TAFA2: variants seen among roughly 807,000 people sequenced by gnomAD.
TAFA2 encodes the protein TAFA chemokine like family member 2.
In TAFA2, 7 loss-of-function variants were observed where a neutral mutation model predicts 18.8. The ratio of observed to expected loss-of-function variants is 0.37; its 90% CI spans 0.21 to 0.70. The LOEUF is 0.70. Among genes scored for constraint, TAFA2 ranks in the 30% least tolerant of loss-of-function variants. The pLI is 0.53. For missense variants in TAFA2, 122 were observed against 158.1 expected, an observed-to-expected ratio of 0.77 and a Z score of 1.23; for synonymous variants, 60 against 54.2, an observed-to-expected ratio of 1.11 and a Z score of -0.47.
chr12:62,132,212 T>C (rs1018569009), intron 1 of TAFA2, among the ~76,000 whole-genome samples: 5 of 151,874 alleles, frequency 3.3e-5, no homozygotes, highest in African/African-American at 1.2e-4. Flanking sequence ...AAAGTTACCT[T>C]AATCTGGATT....
At chr12:61,872,862 TTCTCTC>T (rs36106779) in intron 1 of TAFA2, among the ~76,000 whole-genome samples, 22 of 150,364 alleles carry the variant, frequency 1.5e-4, no homozygotes, top group Non-Finnish European at 2.8e-4. Flanking sequence ...ACCCTGCAGT[TTCTCTC>T]TCTCTCTCTC....
At chr12:61,837,323 T>C (rs1242849513) in intron 2 of TAFA2, among the ~76,000 whole-genome samples, 1 of 152,008 alleles carries the variant, frequency 6.6e-6, no homozygotes, top group Non-Finnish European at 1.5e-5. Flanking sequence ...TATTTCCATA[T>C]GCGATTCCTT....
chr12:61,843,345 G>GA (rs1309852595), intron 2 of TAFA2, among the ~76,000 whole-genome samples: 10 of 151,276 alleles, frequency 6.6e-5, no homozygotes, highest in South Asian at 4.2e-4. Context: ...CCAGATATTG[G>GA]AAAAAAAACT....
chr12:61,961,771 G>A (rs1459354213), intron 1 of TAFA2, among the ~76,000 whole-genome samples: 1 of 152,064 alleles, frequency 6.6e-6, no homozygotes, highest in South Asian at 2.1e-4. Flanking sequence ...TTGTTTGTTT[G>A]TCCGGAGGGT....
chr12:62,198,536 T>A (rs1489027017), intron 1 of TAFA2: 1 of 152,056 alleles, frequency 6.6e-6, no homozygotes, highest in Non-Finnish European at 1.5e-5. Flanking sequence ...AACTTACGAG[T>A]CCCAGTTCAT....
intron 2 of TAFA2, among the ~76,000 whole-genome samples, chr12:61,772,475 T>G (rs1236479033): frequency 6.6e-6 from 1 of 150,444 alleles, no homozygotes; most frequent in Middle Eastern, 3.2e-3. Flanking sequence ...TGCAAAAATC[T>G]AACTGAATCC....
Position 61,753,713 on chromosome 12 carries a change from A to T in TAFA2, c.293T>A (p.Met98Lys). The part of the protein sequence containing the change: ...SIVEQKWWCH[M>K]QPCLEGEECK... ...TTCTTCTCCCTCTAGACATGGCTGC[A>T]TATGGCACCACCATTTCTGTTCCAC... Residue 98 changes from methionine to lysine, a missense_variant, in exon 4 of 5, where the codon ATG (methionine) becomes AAG (lysine). Met to Lys is a moderately conservative substitution (Grantham distance 95, BLOSUM62 -1). Transcript: ENST00000416284. 6.2e-7 allele frequency: 1 copy of T among 1,612,506 alleles called. No individual in the cohort carries two copies. Among genetic ancestry groups the T allele is most frequent in the Non-Finnish European group, 8.5e-7 (1 of 1,178,996 alleles).
chr12:62,233,301 T>C (rs992447772), intron 1 of TAFA2, among the ~76,000 whole-genome samples: 1 of 151,634 alleles, frequency 6.6e-6, no homozygotes, highest in Non-Finnish European at 1.5e-5. Flanking sequence ...GGCTGGACTC[T>C]AACTTCTAAC....
At chr12:61,994,387 C>T (rs745587767) in intron 1 of TAFA2, among the ~76,000 whole-genome samples, 27 of 152,102 alleles carry the variant, frequency 1.8e-4, no homozygotes, top group Non-Finnish European at 3.2e-4. Context: ...CCTCCTGTTG[C>T]CTTTTCAAGA....
At chr12:62,177,632 T>C (rs1172991804) in intron 1 of TAFA2, among the ~76,000 whole-genome samples, 1 of 152,176 alleles carries the variant, frequency 6.6e-6, no homozygotes. Context: ...CTCTTGGGTA[T>C]CGCAAAGGTA....
chr12:61,780,001 G>A (rs1870436254), intron 2 of TAFA2, among the ~76,000 whole-genome samples: 1 of 151,734 alleles, frequency 6.6e-6, no homozygotes, highest in African/African-American at 2.4e-5. Context: ...GTCATATTGG[G>A]CTTAGAGATG....
At chr12:61,920,296 A>T (rs886881824) in intron 1 of TAFA2, among the ~76,000 whole-genome samples, 1 of 152,188 alleles carries the variant, frequency 6.6e-6, no homozygotes, top group Non-Finnish European at 1.5e-5. Context: ...ATAGATGCAG[A>T]AAGAAGCCAT....
chr12:62,155,373 C>G (rs750777231), intron 1 of TAFA2, among the ~76,000 whole-genome samples: 1 of 152,064 alleles, frequency 6.6e-6, no homozygotes. Context: ...GCCATACTAA[C>G]AAAAGCAATC....
chr12:61,731,184 C>A (rs569682117), intron 4 of TAFA2, among the ~76,000 whole-genome samples: 2 of 152,096 alleles, frequency 1.3e-5, no homozygotes, highest in Non-Finnish European at 2.9e-5. Context: ...AGGTTAAATC[C>A]TTCTCCCATC....
chr12:61,724,406 AC>A (rs201930098), intron 4 of TAFA2, among the ~76,000 whole-genome samples: 2,262 of 148,430 alleles, frequency 0.015, 44 homozygotes, highest in Non-Finnish European at 0.019. Flanking sequence ...CCATTTCAAT[AC>A]TTTTGGGGGA....
Position 62,233,066 on chromosome 12 carries a change from C to CTTTTTTTTTTTTTTTTTTTTT in TAFA2, c.-130+25676_-130+25696dup, listed in dbSNP as rs34781688. 1.5e-4 allele frequency among the ~76,000 whole-genome samples: 6 copies of CTTTTTTTTTTTTTTTTTTTTT among 39,534 alleles called. 2 individuals carry two copies. Among genetic ancestry groups the CTTTTTTTTTTTTTTTTTTTTT allele is most frequent in the African/African-American group, 1.9e-4 (2 of 10,578 alleles). 25.9% of individuals were successfully genotyped at this position (39,534 alleles called of 152,430 possible). The stretch of plus-strand genomic sequence containing the variant: ...TGTCCTCCCAGCAATTTCTGCATCT[C>CTTTTTTTTTTTTTTTTTTTTT]TTTTTTTTTTTTTTTTTTTTTTTTT... On this transcript the variant is annotated intron_variant, in intron 1 of 5. Coordinates refer to the TAFA2 transcript ENST00000551619.
chr12:62,187,163 C>T (rs2062591655), intron 1 of TAFA2, among the ~76,000 whole-genome samples: 1 of 152,094 alleles, frequency 6.6e-6, no homozygotes, highest in African/African-American at 2.4e-5. Context: ...CAAAATGTGT[C>T]AAAATTCCCA....
chr12:62,055,033 T>A (rs868565679), intron 1 of TAFA2, among the ~76,000 whole-genome samples: 1 of 152,142 alleles, frequency 6.6e-6, no homozygotes, highest in Non-Finnish European at 1.5e-5. Flanking sequence ...TGTGATAGTA[T>A]TAGGAGGTGA....
intron 1 of TAFA2, among the ~76,000 whole-genome samples, chr12:62,059,704 T>C (rs1014022278): frequency 4.6e-5 from 7 of 152,212 alleles, no homozygotes; most frequent in African/African-American, 1.7e-4. Flanking sequence ...TAAGTTTATC[T>C]TGAATAATTT....
Sources: gnomAD v4.1 joint callset for allele counts (sites outside exome capture counted in the v4.1 genomes callset) on GRCh38, gnomAD v4.1.1 for gene constraint, MANE v1.5 for transcripts, NCBI Gene and HGNC (gene_info 2026-07-23, HGNC 2026-07-21) for gene names.